Variants in SCEL observed in about 807,000 individuals in gnomAD.
SCEL encodes the protein sciellin.
SCEL carries 113 observed loss-of-function variants against 117.6 expected under a neutral mutation model. The observed-to-expected ratio is 0.96, with a 90% CI of 0.83 to 1.12. The LOEUF is 1.12. Ranked by LOEUF, SCEL falls within the 50% of genes most tolerant of loss-of-function variation. The pLI is 0.00. For missense variants in SCEL, 785 were observed against 810.8 expected (o/e 0.97, Z 0.39); for synonymous variants, 270 against 256.2 (o/e 1.05, Z -0.51).
At chr13:77,615,260 C>T (rs747194409) in intron 24 of SCEL, among the ~76,000 whole-genome samples, 1 of 152,004 alleles carries the variant, frequency 6.6e-6, no homozygotes, top group Non-Finnish European at 1.5e-5. Flanking sequence ...AATACTGAGA[C>T]CAGGGGCAAA....
intron 26 of SCEL, 32 bp from the exon 27 acceptor site, chr13:77,617,972 T>C: frequency 6.2e-7 from 1 of 1,607,174 alleles, no homozygotes; most frequent in Non-Finnish European, 8.5e-7. Flanking sequence ...CTATTACCAA[T>C]CTGAACTTTT....
At chr13:77,631,981 T>G (rs2090042396) in intron 28 of SCEL, among the ~76,000 whole-genome samples, 1 of 152,220 alleles carries the variant, frequency 6.6e-6, no homozygotes, top group Admixed American at 6.5e-5. Context: ...GATGGCCACC[T>G]TCTCACTGTG....
In SCEL at chr13:77,634,463, T is replaced by C; in HGVS notation, c.1763+13T>C. On this transcript the variant is annotated intron_variant, in intron 29 of 32. Coordinates refer to ENST00000349847, the MANE Select transcript of SCEL (RefSeq NM_144777.3). ...ATGTGGAGAATAGGTATTCAAAATT[T>C]ATTTCAAATATATTGCTTCATTTTA... is the stretch of plus-strand genomic sequence containing the variant. The C allele has an allele frequency of 6.4e-7, 1 of 1,564,170 alleles. No individual in the cohort carries two copies. The highest frequency in any genetic ancestry group is 2.2e-5 in the East Asian group (1 of 44,464).
chr13:77,535,847 A>G (rs1414393151), intron 1 of SCEL, 23 bp downstream of exon 1: 1 of 152,238 alleles, frequency 6.6e-6, no homozygotes, highest in African/African-American at 2.4e-5. Context: ...ATACTTGCAA[A>G]CAGAAATACA....
chr13:77,608,485 A>C (rs2088398099), intron 20 of SCEL, among the ~76,000 whole-genome samples: 1 of 152,156 alleles, frequency 6.6e-6, no homozygotes, highest in East Asian at 1.9e-4. Context: ...CTATAGTCCC[A>C]GCTACTTGGG....
chr13:77,593,295 T>TGTGTGTGTGTGTGTGTGCGC (rs796907419), intron 11 of SCEL, among the ~76,000 whole-genome samples: 6 of 136,886 alleles, frequency 4.4e-5, no homozygotes, highest in Middle Eastern at 3.7e-3. Flanking sequence ...TGTGTGTGTG[T>TGTGTGTGTGTGTGTGTGCGC]GTCTGTGTGT....
Position 77,567,737 on chromosome 13 carries a change from A to G in SCEL, c.348A>G (p.Gln116=), listed in dbSNP as rs768637133. ...KTYKANTLDN[Q]LTNRSMSMFR... ...ATAAGGCCAATACCTTGGATAACCA[A>G]CTAACCAATAGGTACCAGTATCTAC... is the stretch of plus-strand genomic sequence containing the variant. The change falls in exon 6 of 33, where the codon CAA becomes CAG. Residue 116 remains glutamine, a synonymous_variant. Coordinates refer to ENST00000349847, the MANE Select transcript of SCEL (RefSeq NM_144777.3). The G allele has an allele frequency of 3.1e-6, 5 of 1,600,350 alleles. No homozygotes were observed. The Admixed American group carries it at 5.1e-5, about 16-fold the overall frequency.
At chr13:77,633,442 C>CAAAAAAAAAAAAAAAAAAAAAAAAAA (rs59939208) in intron 28 of SCEL, among the ~76,000 whole-genome samples, 5 of 30,016 alleles carry the variant, frequency 1.7e-4, no homozygotes, top group Non-Finnish European at 2.1e-4. Flanking sequence ...GACTCCGCCT[C>CAAAAAAAAAAAAAAAAAAAAAAAAAA]AAAAAAAAAA....
At chr13:77,643,171 T>C (rs995311502) in intron 32 of SCEL, among the ~76,000 whole-genome samples, 1 of 152,184 alleles carries the variant, frequency 6.6e-6, no homozygotes, top group African/African-American at 2.4e-5. Flanking sequence ...GTATAATTTT[T>C]AACTAAATTT....
chr13:77,644,964 T>G lies in SCEL; in HGVS notation c.*690T>G, dbSNP rs1670324180. On this transcript the variant is annotated 3_prime_UTR_variant, in exon 33 of 33. Coordinates refer to ENST00000349847, the MANE Select transcript of SCEL (RefSeq NM_144777.3). ...AGCCTATTGAACTAGGTAGGACATA[T>G]AAACAATTTAATTTTAGTGTCATTG... 1 of 152,170 alleles carries G rather than the reference T, an allele frequency of 6.6e-6. No individual in the cohort carries two copies. The highest frequency in any genetic ancestry group is 1.5e-5 in the Non-Finnish European group (1 of 68,000). 9.4% of individuals were successfully genotyped at this position (152,170 alleles called of 1,614,324 possible). A position where few individuals can be genotyped will look rare whatever the true frequency, so the allele number is the denominator to read the frequency against.
chr13:77,635,906 ACT>A (rs1008114279), intron 29 of SCEL, among the ~76,000 whole-genome samples: 99 of 152,228 alleles, frequency 6.5e-4, no homozygotes, highest in African/African-American at 2.3e-3. Flanking sequence ...TAGATCAGAA[ACT>A]CTGCAGCTCA....
At chr13:77,564,705 CA>C (rs2085188205) in intron 5 of SCEL, among the ~76,000 whole-genome samples, 1 of 152,216 alleles carries the variant, frequency 6.6e-6, no homozygotes, top group East Asian at 1.9e-4. Context: ...CAATTGCAGG[CA>C]AAAATGGCAC....
intron 1 of SCEL, among the ~76,000 whole-genome samples, chr13:77,543,785 T>C (rs1412356369): frequency 6.6e-6 from 1 of 152,204 alleles, no homozygotes; most frequent in East Asian, 1.9e-4. Flanking sequence ...CGTTCTTTTT[T>C]TATTTACCAC....
intron 1 of SCEL, among the ~76,000 whole-genome samples, chr13:77,546,985 T>C (rs2084026456): frequency 6.6e-6 from 1 of 152,168 alleles, no homozygotes; most frequent in South Asian, 2.1e-4. Context: ...TCCACTTCAA[T>C]TGTAATAGTC....
At chr13:77,583,479 C>CT (rs2086379604) in intron 9 of SCEL, among the ~76,000 whole-genome samples, 1 of 152,178 alleles carries the variant, frequency 6.6e-6, no homozygotes, top group Non-Finnish European at 1.5e-5. Context: ...CTTTTCTAGT[C>CT]TTTGACTGCC....
intron 9 of SCEL, among the ~76,000 whole-genome samples, chr13:77,578,921 T>G (rs1387306162): frequency 6.6e-6 from 1 of 152,090 alleles, no homozygotes; most frequent in Non-Finnish European, 1.5e-5. Context: ...AACCCAAGGA[T>G]TTAAAATGTA....
At chr13:77,544,165 C>G (rs997035771) in intron 1 of SCEL, among the ~76,000 whole-genome samples, 6 of 152,284 alleles carry the variant, frequency 3.9e-5, no homozygotes, top group East Asian at 1.9e-4. Flanking sequence ...TATTGTAGGA[C>G]CCCAAATCTC....
Position 77,640,696 on chromosome 13 carries a change from T to A in SCEL, c.1859T>A (p.Met620Lys), listed in dbSNP as rs773057269. The A allele has an allele frequency of 6.3e-7, 1 of 1,594,200 alleles. No homozygotes were observed. Among genetic ancestry groups the A allele is most frequent in the Non-Finnish European group, 8.6e-7 (1 of 1,166,700 alleles). The change falls in exon 31 of 33, where the codon ATG becomes AAG. Residue 620 changes from methionine to lysine, a missense_variant. Met to Lys is a moderately conservative substitution (Grantham distance 95, BLOSUM62 -1). Coordinates refer to ENST00000349847, the MANE Select transcript of SCEL (RefSeq NM_144777.3). ...TATAGGTCTGTCATTGAAAGAGATA[T>A]GTGCACTTACTGCCGAAAACCCTTG... The part of the protein sequence containing the change: ...TSDRSVIERD[M>K]CTYCRKPLGV...
At chr13:77,573,590 G>A (rs4371053) in intron 9 of SCEL, among the ~76,000 whole-genome samples, 69,117 of 148,920 alleles carry the variant, frequency 0.46, 17,290 homozygotes, top group Middle Eastern at 0.56. Context: ...ACTGTAGTTG[G>A]TCAATAGACA....
Sources: gnomAD v4.1 joint callset for allele counts (sites outside exome capture counted in the v4.1 genomes callset) on GRCh38, gnomAD v4.1.1 for gene constraint, MANE v1.5 for transcripts, NCBI Gene and HGNC (gene_info 2026-07-23, HGNC 2026-07-21) for gene names.